THSD7B: variants seen among roughly 807,000 people sequenced by gnomAD.
THSD7B encodes the protein thrombospondin type 1 domain containing 7B.
In THSD7B, 138 loss-of-function variants were observed where a neutral mutation model predicts 213.6. The ratio of observed to expected loss-of-function variants is 0.65; its 90% CI spans 0.56 to 0.74. The LOEUF (loss-of-function observed/expected upper bound fraction) is 0.74. Ranked by LOEUF, THSD7B falls within the 30% of genes least tolerant of loss-of-function variation. The pLI is 0.00. For synonymous variants in THSD7B, 742 were observed against 687.0 expected (o/e 1.08, Z -1.25); for missense variants, 1,931 against 1,991.5 (o/e 0.97, Z 0.58).
intron 15 of THSD7B, among the ~76,000 whole-genome samples, chr2:137,554,552 G>A (rs1048351469): frequency 1.3e-5 from 2 of 152,082 alleles, no homozygotes; most frequent in African/African-American, 2.4e-5. Flanking sequence ...GTCATGAAAG[G>A]CTAAAAGAGG....
At chr2:136,983,485 A>G (rs1000432168) in intron 2 of THSD7B, among the ~76,000 whole-genome samples, 60 of 144,882 alleles carry the variant, frequency 4.1e-4, no homozygotes, top group African/African-American at 1.6e-3. Context: ...TACTTCAGCT[A>G]GAACCCAGTA....
intron 21 of THSD7B, among the ~76,000 whole-genome samples, chr2:137,654,932 C>T (rs1683207157): frequency 6.6e-6 from 1 of 152,124 alleles, no homozygotes; most frequent in Non-Finnish European, 1.5e-5. Flanking sequence ...AGACACTGTA[C>T]AAATTTTTTC....
intron 12 of THSD7B, among the ~76,000 whole-genome samples, chr2:137,284,630 T>A (rs1374024560): frequency 6.6e-6 from 1 of 152,182 alleles, no homozygotes; most frequent in Non-Finnish European, 1.5e-5. Context: ...AAAGAACATC[T>A]TTATTTCTGC....
chr2:136,978,740 G>C (rs1222596676), intron 2 of THSD7B, among the ~76,000 whole-genome samples: 1 of 152,034 alleles, frequency 6.6e-6, no homozygotes, highest in Admixed American at 6.5e-5. Context: ...TCTTTATCCA[G>C]CTTGCCATTC....
intron 5 of THSD7B, among the ~76,000 whole-genome samples, chr2:137,149,232 C>A (rs751612557): frequency 6.6e-6 from 1 of 152,170 alleles, no homozygotes; most frequent in African/African-American, 2.4e-5. Flanking sequence ...GGTTTGGGAA[C>A]CTCTACTTAG....
chr2:136,928,071 C>T (rs1398100180), intron 2 of THSD7B, among the ~76,000 whole-genome samples: 1 of 152,066 alleles, frequency 6.6e-6, no homozygotes, highest in Non-Finnish European at 1.5e-5. Context: ...CCTTGACTTA[C>T]AATGGAGTTA....
At chr2:136,860,207 G>T (rs1040272120) in intron 1 of THSD7B, among the ~76,000 whole-genome samples, 3 of 152,044 alleles carry the variant, frequency 2.0e-5, no homozygotes, top group African/African-American at 7.2e-5. Flanking sequence ...CAGGGCAGTA[G>T]AATGAGAGAA....
At chr2:136,873,086 G>A (rs547828432) in intron 1 of THSD7B, among the ~76,000 whole-genome samples, 3 of 147,576 alleles carry the variant, frequency 2.0e-5, no homozygotes, top group South Asian at 2.2e-4. Context: ...ACAGATACCC[G>A]GATACCAAAT....
chr2:137,061,851 G>A (rs1687280284), intron 3 of THSD7B, among the ~76,000 whole-genome samples: 1 of 151,694 alleles, frequency 6.6e-6, no homozygotes, highest in South Asian at 2.1e-4. Flanking sequence ...TGTGATGTTA[G>A]GGTAATGCTG....
chr2:136,793,392 T>C (rs910085416), intron 1 of THSD7B, among the ~76,000 whole-genome samples: 1 of 152,072 alleles, frequency 6.6e-6, no homozygotes, highest in African/African-American at 2.4e-5. Context: ...TTGTAAAGTC[T>C]TTATTCACAA....
intron 2 of THSD7B, among the ~76,000 whole-genome samples, chr2:137,046,807 T>A (rs1459536173): frequency 1.3e-5 from 2 of 151,396 alleles, no homozygotes; most frequent in East Asian, 3.9e-4. Flanking sequence ...CTTGGCTTAT[T>A]GGGGGAACCG....
intron 21 of THSD7B, among the ~76,000 whole-genome samples, chr2:137,652,350 G>C (rs557409492): frequency 6.6e-6 from 1 of 152,114 alleles, no homozygotes; most frequent in African/African-American, 2.4e-5. Context: ...GACTATTTTA[G>C]CTGATACAAA....
chr2:137,548,467 C>T (rs1183819535), intron 15 of THSD7B, among the ~76,000 whole-genome samples: 2 of 151,976 alleles, frequency 1.3e-5, no homozygotes, highest in Non-Finnish European at 2.9e-5. Flanking sequence ...CTTCCACACA[C>T]TCTCATCTCC....
At chr2:136,998,396 C>T (rs1251134784) in intron 2 of THSD7B, among the ~76,000 whole-genome samples, 1 of 151,622 alleles carries the variant, frequency 6.6e-6, no homozygotes, top group Non-Finnish European at 1.5e-5. Context: ...TTTAGTGCAA[C>T]ACGTATAAAT....
chr2:136,960,729 T>C (rs545477579), intron 2 of THSD7B, among the ~76,000 whole-genome samples: 23 of 152,176 alleles, frequency 1.5e-4, no homozygotes, highest in African/African-American at 5.3e-4. Flanking sequence ...GTTGCTTATA[T>C]CTTTACAAAG....
intron 16 of THSD7B, among the ~76,000 whole-genome samples, chr2:137,569,403 T>A (rs1256454134): frequency 2.0e-5 from 3 of 152,138 alleles, no homozygotes. Flanking sequence ...GTGCACCAGC[T>A]GTTCTCTAGT....
intron 12 of THSD7B, among the ~76,000 whole-genome samples, chr2:137,352,244 G>T (rs945542436): frequency 4.0e-5 from 6 of 151,780 alleles, no homozygotes; most frequent in African/African-American, 1.5e-4. Flanking sequence ...GTCTTTTCAG[G>T]GCAAGAAAAA....
intron 12 of THSD7B, among the ~76,000 whole-genome samples, chr2:137,305,471 A>G (rs59441626): frequency 2.6e-5 from 4 of 152,228 alleles, no homozygotes; most frequent in African/African-American, 9.6e-5. Flanking sequence ...ACTCATGTCC[A>G]TTCATGCTAT....
At chr2:136,953,605 A>C (rs892057060) in intron 2 of THSD7B, among the ~76,000 whole-genome samples, 1 of 152,216 alleles carries the variant, frequency 6.6e-6, no homozygotes, top group African/African-American at 2.4e-5. Context: ...AGTCAGACTT[A>C]AATGGAGCAT....
Sources: gnomAD v4.1 joint callset for allele counts (sites outside exome capture counted in the v4.1 genomes callset) on GRCh38, gnomAD v4.1.1 for gene constraint, MANE v1.5 for transcripts, NCBI Gene and HGNC (gene_info 2026-07-23, HGNC 2026-07-21) for gene names.